Variants in PCDHA1 observed in about 807,000 individuals in gnomAD.
PCDHA1 encodes protocadherin alpha 1.
Under a neutral mutation model 61.3 loss-of-function variants are expected in PCDHA1, and 42 were observed. That is an observed-to-expected ratio of 0.69 (90% CI 0.54 to 0.89). PCDHA1 has a LOEUF of 0.89. Ranked by LOEUF, PCDHA1 falls within the 40% of genes least tolerant of loss-of-function variation. PCDHA1 has a pLI of 0.00. For synonymous variants in PCDHA1, 610 were observed against 553.8 expected (o/e 1.10, Z -1.43); for missense variants, 1,256 against 1,235.3 (o/e 1.02, Z -0.25).
At chr5:140,981,191 G>A (rs2096922052) in intron 2 of PCDHA1, among the ~76,000 whole-genome samples, 2 of 152,178 alleles carry the variant, frequency 1.3e-5, no homozygotes, top group South Asian at 4.1e-4. Context: ...AAGTTTGCCT[G>A]CTCTGTTGCC....
In PCDHA1 at chr5:140,953,934, C is replaced by T. The variant is rs2094953906; in HGVS notation, c.2395-25015C>T. 2.6e-5 allele frequency among the ~76,000 whole-genome samples: 4 copies of T among 152,200 alleles called. No homozygotes were observed. The South Asian group carries it at 8.3e-4, about 32-fold the overall frequency. On this transcript the variant is annotated intron_variant, in intron 1 of 3. Transcript: ENST00000504120. ...TTAGGTATTCTTCCTGATGCTCTCC[C>T]TCCCATTGCTCCCCCAACAGGCCCC...
At chr5:140,798,871 G>T (rs1762372351) in intron 1 of PCDHA1, among the ~76,000 whole-genome samples, 1 of 152,098 alleles carries the variant, frequency 6.6e-6, no homozygotes, top group African/African-American at 2.4e-5. Flanking sequence ...CTACTATTTA[G>T]TTCTTAGTTA....
At position 140,787,475 on chromosome 5, in the gene PCDHA1, C is replaced by A; in HGVS notation, c.1185C>A (p.Phe395Leu). ...GCTCCTTAATGCCCCACGTCCCCTTCAAGCTGGTGTCCACCTTCAAGAATT... is the reference window on the plus strand; with the variant it reads ...GCTCCTTAATGCCCCACGTCCCCTTAAAGCTGGTGTCCACCTTCAAGAATT... ...VTCSLMPHVPFKLVSTFKNYY... is the reference protein window; with the variant it reads ...VTCSLMPHVPLKLVSTFKNYY... Residue 395 changes from phenylalanine (F) to leucine (L), a missense_variant, in exon 1 of 4, where the codon TTC becomes TTA. By Grantham distance (22) the Phe-to-Leu change is conservative. Transcript: ENST00000504120. The A allele has an allele frequency of 2.5e-6, 4 of 1,614,228 alleles. No homozygotes were observed. Among genetic ancestry groups the A allele is most frequent in the Non-Finnish European group, 3.4e-6 (4 of 1,180,048 alleles).
At chr5:141,007,156 G>A (rs1289202250) in intron 3 of PCDHA1, among the ~76,000 whole-genome samples, 2 of 152,148 alleles carry the variant, frequency 1.3e-5, no homozygotes, top group Non-Finnish European at 1.5e-5. Context: ...AACTGTCAAA[G>A]AACAGTCAGA....
intron 1 of PCDHA1, among the ~76,000 whole-genome samples, chr5:140,975,757 A>G (rs779490429): frequency 6.6e-5 from 10 of 152,234 alleles, no homozygotes; most frequent in South Asian, 2.1e-4. Flanking sequence ...ATTCTATGTC[A>G]TAAATCACAG....
chr5:140,868,762 A>G (rs2050634437), intron 1 of PCDHA1: 1 of 233,926 alleles, frequency 4.3e-6, no homozygotes, highest in African/African-American at 2.3e-5. Flanking sequence ...ATATATATTT[A>G]GTTTCAATAT....
At chr5:140,927,063 C>G in intron 1 of PCDHA1, 1 of 1,611,332 alleles carries the variant, frequency 6.2e-7, no homozygotes. Context: ...ACTTTCGCTT[C>G]CTTTCCAGCC....
Position 140,787,434 on chromosome 5 carries a change from A to G in PCDHA1, c.1144A>G (p.Asn382Asp), listed in dbSNP as rs150323214. ...ITVSDRDSGA[N>D]GQVTCSLMPH... ...CGTGTCTGACCGTGACTCAGGTGCC[A>G]ACGGGCAGGTGACTTGCTCCTTAAT... Residue 382 changes from asparagine (N) to aspartate (D), a missense_variant, in exon 1 of 4, where the codon AAC becomes GAC. By Grantham distance (23) the Asn-to-Asp change is conservative. Coordinates refer to ENST00000504120, the MANE Select transcript of PCDHA1 (RefSeq NM_018900.4). The G allele has an allele frequency of 1.9e-6, 3 of 1,614,230 alleles. 1 individual carries two copies. The highest frequency in any genetic ancestry group is 2.5e-6 in the Non-Finnish European group (3 of 1,180,036).
At chr5:140,835,959 G>T (rs1162944895) in intron 1 of PCDHA1, 12 of 1,612,958 alleles carry the variant, frequency 7.4e-6, no homozygotes, top group Non-Finnish European at 9.3e-6. Context: ...GTTGGACCAC[G>T]AGGAGCTGGA....
At chr5:140,801,241 TG>T in intron 1 of PCDHA1, 1 of 1,613,232 alleles carries the variant, frequency 6.2e-7, no homozygotes, top group Middle Eastern at 1.7e-4. Flanking sequence ...CAGTGCCTGC[TG>T]CTTTCTCTTC....
chr5:140,807,501 A>C, intron 1 of PCDHA1: 1 of 1,613,786 alleles, frequency 6.2e-7, no homozygotes, highest in Non-Finnish European at 8.5e-7. Context: ...TGCAGCATCC[A>C]CCTGGAGGTG....
In PCDHA1 at chr5:140,927,340, G is replaced by A. The variant is rs77098674; in HGVS notation, c.2395-51609G>A. ...CCGCTTTACTCTCCCGAATGCCCAAGATGACGACGAGGGAAGCAATGGGAT... is the reference window on the plus strand; with the variant it reads ...CCGCTTTACTCTCCCGAATGCCCAAAATGACGACGAGGGAAGCAATGGGAT... On this transcript the variant is annotated intron_variant, in intron 1 of 3. Coordinates refer to ENST00000504120, the MANE Select transcript of PCDHA1 (RefSeq NM_018900.4). The A allele has an allele frequency of 8.1e-6, 13 of 1,614,032 alleles. No individual in the cohort carries two copies. The African/African-American group carries it at 1.5e-4, about 18-fold the overall frequency.
At chr5:140,796,783 C>T (rs782135043) in intron 1 of PCDHA1, 5 of 1,614,144 alleles carry the variant, frequency 3.1e-6, no homozygotes, top group Non-Finnish European at 3.4e-6. Context: ...CAACGCGTGG[C>T]TTTCGTACGA....
At chr5:140,922,023 T>C (rs1333266712) in intron 1 of PCDHA1, among the ~76,000 whole-genome samples, 3 of 152,086 alleles carry the variant, frequency 2.0e-5, no homozygotes, top group African/African-American at 7.2e-5. Context: ...AAAATAAATA[T>C]AAAAAATGTA....
chr5:140,930,794 T>G (rs2087114829), intron 1 of PCDHA1, among the ~76,000 whole-genome samples: 1 of 152,200 alleles, frequency 6.6e-6, no homozygotes, highest in Non-Finnish European at 1.5e-5. Context: ...TATAATAGAA[T>G]CCAGCATATA....
intron 1 of PCDHA1, among the ~76,000 whole-genome samples, chr5:140,880,366 C>A (rs2058318245): frequency 6.6e-6 from 1 of 152,052 alleles, no homozygotes; most frequent in African/African-American, 2.4e-5. Flanking sequence ...AGATGAAAAC[C>A]ATGAGAGAAT....
intron 1 of PCDHA1, among the ~76,000 whole-genome samples, chr5:140,925,899 G>A (rs149135478): frequency 2.0e-5 from 3 of 151,846 alleles, no homozygotes; most frequent in African/African-American, 7.3e-5. Context: ...CACCCAGATC[G>A]TCAAGGGCCG....
At chr5:140,993,225 T>C (rs1036685362) in intron 3 of PCDHA1, among the ~76,000 whole-genome samples, 2 of 152,206 alleles carry the variant, frequency 1.3e-5, no homozygotes, top group Admixed American at 6.5e-5. Context: ...TTTTGGTATG[T>C]TCTCTCTGAA....
intron 1 of PCDHA1, among the ~76,000 whole-genome samples, chr5:140,793,953 T>C (rs1189121449): frequency 6.6e-6 from 1 of 152,246 alleles, no homozygotes; most frequent in African/African-American, 2.4e-5. Context: ...ACATATATTT[T>C]CAATGGACTA....
Sources: allele counts gnomAD v4.1 joint callset (sites outside exome capture counted in the v4.1 genomes callset), GRCh38; gene constraint gnomAD v4.1.1; transcripts MANE v1.5; gene names NCBI Gene and HGNC (gene_info 2026-07-23, HGNC 2026-07-21).